Variants in CD84 observed in about 807,000 individuals in gnomAD.
The protein encoded by CD84 is SLAM family member 5.
Under a neutral mutation model 33.8 loss-of-function variants are expected in CD84, and 22 were observed. The observed-to-expected ratio is 0.65, with a 90% confidence interval of 0.46 to 0.93. The LOEUF (loss-of-function observed/expected upper bound fraction) is 0.93. CD84 is among the 40% of genes least tolerant of loss of function. The pLI, the probability that CD84 is intolerant of heterozygous loss-of-function variation, is 0.00. For missense variants in CD84, 400 were observed against 397.6 expected (o/e 1.01, Z -0.05); for synonymous variants, 154 against 145.2 (o/e 1.06, Z -0.44).
At chr1:160,553,654 G>T in intron 3 of CD84, 157 bp from the exon 4 acceptor site, 2 of 1,012,792 alleles carry the variant, frequency 2.0e-6, no homozygotes, top group Non-Finnish European at 2.9e-6. Context: ...TTAAAAGCCA[G>T]GATGAGAAAT....
At chr1:160,556,846 T>C (rs60826196) in intron 2 of CD84, among the ~76,000 whole-genome samples, 2,520 of 152,274 alleles carry the variant, frequency 0.017, 83 homozygotes, top group African/African-American at 0.057. Flanking sequence ...AAATTAAACA[T>C]ATAAAGGGTT....
At position 160,543,721 on chromosome 1, in the gene CD84, C is replaced by T. The variant is rs2102104414; in HGVS notation, c.*4535G>A. The T allele has an allele frequency of 6.6e-6, 1 of 151,846 alleles. No individual in the cohort carries two copies. Among genetic ancestry groups the T allele is most frequent in the Admixed American group, 6.6e-5 (1 of 15,258 alleles). The allele number at this position is 151,846 out of a possible 1,614,324, so 9.4% of individuals were successfully genotyped here. ...GTGGTATAATAACGAGGGGAACAAA[C>T]ATTGCTTATAACAAAATATATCTGA... On this transcript the variant is annotated 3_prime_UTR_variant, in exon 7 of 7. Transcript: ENST00000368054.
chr1:160,549,655 G>A (rs778592693), intron 6 of CD84, among the ~76,000 whole-genome samples: 3 of 152,152 alleles, frequency 2.0e-5, no homozygotes, highest in Non-Finnish European at 2.9e-5. Context: ...TTCCCATACC[G>A]TAGTTCAGAG....
intron 4 of CD84, chr1:160,553,146 C>T (rs562979218): frequency 1.5e-6 from 1 of 681,230 alleles, no homozygotes; most frequent in South Asian, 1.8e-5. Context: ...AGCTCGAACC[C>T]ATGTTCTGGG....
Position 160,553,495 on chromosome 1 carries a change from T to C in CD84, c.643A>G (p.Ile215Val), listed in dbSNP as rs1249844665. ...SISARQLCAD[I>V]AMGFRTHHTG... ...TGGTGAGTACGGAAGCCCATTGCGA[T>C]GTCTGGAAATAGAAGATGCAGTGAG... The change falls in exon 4 of 7, where the codon ATC (isoleucine) becomes GTC (valine). Residue 215 changes from isoleucine to valine, a missense_variant and splice_region_variant. Ile to Val is a conservative substitution (Grantham distance 29). Transcript: ENST00000368054. 6.2e-7 allele frequency: 1 copy of C among 1,614,084 alleles called. No individual in the cohort carries two copies. The highest frequency in any genetic ancestry group is 8.5e-7 in the Non-Finnish European group (1 of 1,179,994).
At chr1:160,569,277 T>C (rs1657532830) in intron 1 of CD84, among the ~76,000 whole-genome samples, 2 of 152,196 alleles carry the variant, frequency 1.3e-5, no homozygotes, top group African/African-American at 4.8e-5. Flanking sequence ...TAAAAGATTT[T>C]AAGATTTAAA....
chr1:160,568,577 T>A (rs1048357041), intron 1 of CD84, among the ~76,000 whole-genome samples: 1 of 152,184 alleles, frequency 6.6e-6, no homozygotes, highest in African/African-American at 2.4e-5. Flanking sequence ...CTTCTACTTA[T>A]GAACTGGACA....
At chr1:160,551,221 A>C (rs1656198075) in intron 4 of CD84, 186 bp from the exon 5 acceptor site, 1 of 581,550 alleles carries the variant, frequency 1.7e-6, no homozygotes, top group South Asian at 1.9e-5. Context: ...GGCCTCACCC[A>C]CAGGTCAATG....
At chr1:160,562,299 G>A (rs541260569) in intron 2 of CD84, among the ~76,000 whole-genome samples, 4 of 152,200 alleles carry the variant, frequency 2.6e-5, no homozygotes, top group African/African-American at 4.8e-5. Flanking sequence ...CAAAACTGGA[G>A]GCATCACACT....
chr1:160,569,044 T>C (rs1359916993), intron 1 of CD84, among the ~76,000 whole-genome samples: 1 of 152,214 alleles, frequency 6.6e-6, no homozygotes, highest in African/African-American at 2.4e-5. Flanking sequence ...ATGTTAGTTA[T>C]TTCTGGAGTT....
At chr1:160,552,799 T>C (rs549200107) in intron 4 of CD84, 7 of 1,296,618 alleles carry the variant, frequency 5.4e-6, no homozygotes, top group African/African-American at 1.5e-5. Context: ...TGTTTTTTAT[T>C]GTGATTGGTG....
intron 4 of CD84, 161 bp downstream of exon 4, chr1:160,553,217 C>A: frequency 8.6e-7 from 1 of 1,163,362 alleles, no homozygotes; most frequent in Non-Finnish European, 1.3e-6. Flanking sequence ...TAATGTCATA[C>A]CATCCTCAGA....
In CD84 at chr1:160,556,471, TTATC is replaced by T. The variant is rs533006991; in HGVS notation, c.389-2329_389-2326del. Among the ~76,000 whole-genome samples, 1,440 of 152,382 alleles carry T rather than the reference TTATC, an allele frequency of 9.4e-3. 9 individuals are homozygous for T. Among genetic ancestry groups the T allele is most frequent in the Admixed American group, 0.015 (232 of 15,306 alleles). On this transcript the variant is annotated intron_variant, in intron 2 of 6. Coordinates refer to ENST00000368054, the MANE Select transcript of CD84 (RefSeq NM_003874.4). The stretch of plus-strand genomic sequence containing the variant: ...AAGATTATTCTAATTACCTATTTAC[TTATC>T]TATCATCTATCTGTCTGTCTATGCT...
intron 2 of CD84, among the ~76,000 whole-genome samples, chr1:160,564,338 A>C (rs1395032951): frequency 6.6e-6 from 1 of 152,226 alleles, no homozygotes; most frequent in Non-Finnish European, 1.5e-5. Flanking sequence ...CCTGGTGAGA[A>C]TGGAAAGTTG....
intron 1 of CD84, among the ~76,000 whole-genome samples, chr1:160,575,491 C>A (rs1207424898): frequency 9.5e-6 from 1 of 105,298 alleles, no homozygotes; most frequent in Non-Finnish European, 2.0e-5. Flanking sequence ...TCAGTTCCTT[C>A]AAAACACACA....
intron 1 of CD84, among the ~76,000 whole-genome samples, chr1:160,572,578 G>T (rs542477911): frequency 6.1e-5 from 9 of 147,564 alleles, no homozygotes; most frequent in Non-Finnish European, 1.0e-4. Context: ...GTAAAAATTG[G>T]GGGGGGGAAT....
chr1:160,551,612 T>C (rs544800355), intron 4 of CD84, among the ~76,000 whole-genome samples: 2 of 152,224 alleles, frequency 1.3e-5, no homozygotes, highest in Non-Finnish European at 2.9e-5. Context: ...CACCAACTCA[T>C]GGCTCACTGC....
At chr1:160,576,136 A>G (rs528547688) in intron 1 of CD84, among the ~76,000 whole-genome samples, 2 of 152,258 alleles carry the variant, frequency 1.3e-5, no homozygotes, top group South Asian at 4.1e-4. Context: ...AGGACTTCAG[A>G]TCAGTGGCAG....
chr1:160,565,603 T>C lies in CD84; in HGVS notation c.189A>G (p.Val63=). Residue 63 remains valine, a synonymous_variant, in exon 2 of 7, where the codon GTA becomes GTG. Coordinates refer to ENST00000368054, the MANE Select transcript of CD84 (RefSeq NM_003874.4). The part of the protein sequence containing the change: ...AWTSKTSVAY[V]TPGDSETAPV... Reference sequence around the variant, plus strand: ...GTGCTGTTTCTGAGTCTCCTGGTGTTACATAAGCAACAGATGTTTTAGAAG... The same window carrying C: ...GTGCTGTTTCTGAGTCTCCTGGTGTCACATAAGCAACAGATGTTTTAGAAG... The C allele has an allele frequency of 2.5e-6, 4 of 1,614,016 alleles. No homozygotes were observed. Among genetic ancestry groups the C allele is most frequent in the Non-Finnish European group, 3.4e-6 (4 of 1,179,914 alleles).
Sources: gnomAD v4.1 joint callset for allele counts (sites outside exome capture counted in the v4.1 genomes callset) on GRCh38, gnomAD v4.1.1 for gene constraint, MANE v1.5 for transcripts, NCBI Gene and HGNC (gene_info 2026-07-23, HGNC 2026-07-21) for gene names.